Variants in TMEM201 observed in about 807,000 individuals in gnomAD.
TMEM201 encodes the protein transmembrane protein 201.
Under a neutral mutation model 63.4 loss-of-function variants are expected in TMEM201, and 26 were observed. That is an observed-to-expected ratio of 0.41 (90% CI 0.30 to 0.57). The LOEUF (loss-of-function observed/expected upper bound fraction) is 0.57. Ranked by LOEUF, TMEM201 falls within the 20% of genes least tolerant of loss-of-function variation. TMEM201 has a pLI of 0.29. For missense variants in TMEM201, 794 were observed against 917.7 expected (o/e 0.87, Z 1.74); for synonymous variants, 417 against 421.6 (o/e 0.99, Z 0.14).
chr1:9,589,716 C>T (rs1475129163), intron 1 of TMEM201, among the ~76,000 whole-genome samples: 3 of 152,250 alleles, frequency 2.0e-5, no homozygotes, highest in Non-Finnish European at 4.4e-5. Context: ...TTTCATCGGC[C>T]TCCATCGCCA....
At position 9,607,814 on chromosome 1, in the gene TMEM201, G is replaced by C; in HGVS notation, c.1393+25G>C. On this transcript the variant is annotated intron_variant, in intron 7 of 10. Coordinates refer to ENST00000340381, the MANE Select transcript of TMEM201 (RefSeq NM_001130924.3). This position sits in a 1 kb window ranked among gnomAD's most constrained non-coding sequence, Gnocchi z 5.4. ...GGTAAGGGGTGCCCAGGCATTGGCA[G>C]ACAGTCAGGGCTAGGGGCAGCTGGG... 6.5e-7 allele frequency: 1 copy of C among 1,547,320 alleles called. No individual in the cohort carries two copies. Among genetic ancestry groups the C allele is most frequent in the Non-Finnish European group, 8.7e-7 (1 of 1,144,088 alleles).
At chr1:9,602,310 C>CGGAT in intron 6 of TMEM201, 38 bp downstream of exon 6, 1 of 1,604,044 alleles carries the variant, frequency 6.2e-7, no homozygotes. Context: ...GGAGGACACA[C>CGGAT]GGATGCTCAG....
chr1:9,596,777 C>A (rs779612025), intron 2 of TMEM201, 82 bp from the exon 3 acceptor site: 50 of 1,380,226 alleles, frequency 3.6e-5, no homozygotes, highest in Non-Finnish European at 4.6e-5. Context: ...TTGCCTGGAG[C>A]GGGGCGGGCC....
chr1:9,589,840 T>C (rs1433829710), intron 1 of TMEM201, among the ~76,000 whole-genome samples: 1 of 152,200 alleles, frequency 6.6e-6, no homozygotes, highest in Non-Finnish European at 1.5e-5. Context: ...TGTGAGAACA[T>C]CCTAGAAAGA....
rs1340900338 is a variant in TMEM201, at chr1:9,610,377, TGTCCCCA to T, written c.1466-125_1466-119del. 2 of 970,864 alleles carry T rather than the reference TGTCCCCA, an allele frequency of 2.1e-6. No homozygotes were observed. The highest frequency in any genetic ancestry group is 3.0e-6 in the Non-Finnish European group (2 of 675,588). 60.1% of individuals were successfully genotyped at this position (970,864 alleles called of 1,614,324 possible). On this transcript the variant is annotated intron_variant, in intron 8 of 10. Transcript: ENST00000340381. This position sits in a 1 kb window ranked among gnomAD's most constrained non-coding sequence, Gnocchi z 4.9. ...TCAGCTTTGCAGCAGGACTTCCCCC[TGTCCCCA>T]GTCTCTGCACCTTTCCTGTCTTCCC...
chr1:9,603,938 G>A lies in TMEM201; in HGVS notation c.1160+1666G>A, dbSNP rs1008803168. The A allele has an allele frequency of 1.4e-5, 14 of 985,342 alleles. No individual in the cohort carries two copies. The highest frequency in any genetic ancestry group is 6.1e-5 in the Admixed American group (1 of 16,270). 61.0% of individuals were successfully genotyped at this position (985,342 alleles called of 1,614,324 possible). ...TCTGAAAAGATGTGGTCGGGGCCAC[G>A]CTTCCCACTGGTTCTGCAGTGAGGA... is the stretch of plus-strand genomic sequence containing the variant. On this transcript the variant is annotated intron_variant, in intron 6 of 10. Transcript: ENST00000340381. This position sits in a 1 kb window ranked among gnomAD's most constrained non-coding sequence, Gnocchi z 4.5.
In TMEM201 at chr1:9,595,884, C is replaced by A; in HGVS notation, c.114-6C>A. ...CAGGCCAACCCGCTCTTTCCTTGGT[C>A]CACAGGATGAAGCCAACGCACACGA... On this transcript the variant is annotated splice_polypyrimidine_tract_variant and splice_region_variant and intron_variant, in intron 1 of 10. Transcript: ENST00000340381. The A allele has an allele frequency of 6.2e-7, 1 of 1,613,082 alleles. No individual in the cohort carries two copies. The highest frequency in any genetic ancestry group is 8.5e-7 in the Non-Finnish European group (1 of 1,179,956).
intron 9 of TMEM201, among the ~76,000 whole-genome samples, chr1:9,611,260 T>A (rs1644320608): frequency 6.6e-6 from 1 of 151,302 alleles, no homozygotes; most frequent in South Asian, 2.1e-4. Context: ...TGCAGTGGCG[T>A]GATCTTGGCT....
rs1268228946 is a variant in TMEM201, at chr1:9,611,842, GT to G, written c.1856del (p.Val619GlyfsTer30). The part of the protein sequence containing the change: ...DDSSQSSTCV[V>X]DTTTRGCSEE... ...CTCTTCCCAGTCATCTACCTGTGTG[GT>G]GGACACCACCACCAGGGGCTGCTCG... On this transcript the variant is annotated frameshift_variant, in exon 10 of 11. Coordinates refer to ENST00000340381, the MANE Select transcript of TMEM201 (RefSeq NM_001130924.3). LOFTEE classifies it high-confidence loss of function. 22 of 1,550,816 alleles carry G rather than the reference GT, an allele frequency of 1.4e-5. No homozygotes were observed. Among genetic ancestry groups the G allele is most frequent in the Non-Finnish European group, 1.9e-5 (22 of 1,146,978 alleles).
At position 9,601,240 on chromosome 1, in the gene TMEM201, C is replaced by T. The variant is rs1644134761; in HGVS notation, c.742C>T (p.Leu248=). 6.2e-7 allele frequency: 1 copy of T among 1,611,572 alleles called. No individual in the cohort carries two copies. ...CTTCGCCCCAGGCACCACTGTGCCC[C>T]TGGCCCTGCCACCTGGTGGCAATGG... is the stretch of plus-strand genomic sequence containing the variant. ...GHFAPGTTVP[L]ALPPGGNGSA... The change falls in exon 5 of 11, where the codon CTG becomes TTG. Residue 248 remains leucine (L), a synonymous_variant. Transcript: ENST00000340381.
chr1:9,596,912 C>T lies in TMEM201; in HGVS notation c.288C>T (p.His96=), dbSNP rs1472642472. 11 of 1,611,468 alleles carry T rather than the reference C, an allele frequency of 6.8e-6. No individual in the cohort carries two copies. The highest frequency in any genetic ancestry group is 2.7e-5 in the African/African-American group (2 of 74,924). Residue 96 remains histidine, a synonymous_variant, in exon 3 of 11, where the codon CAC becomes CAT. Transcript: ENST00000340381. The stretch of plus-strand genomic sequence containing the variant: ...CCCAGTACTTGGAGCACCTGAACCA[C>T]GTGGTGAGCAGCGCGCCCAGCCTGC... ...IPAQYLEHLN[H]VVSSAPSLRD... is the part of the protein sequence containing the mutation.
chr1:9,589,279 G>A (rs931075269), intron 1 of TMEM201, among the ~76,000 whole-genome samples: 8 of 151,710 alleles, frequency 5.3e-5, no homozygotes, highest in African/African-American at 1.9e-4. Flanking sequence ...CGAGAGCGCC[G>A]CGCGGGGGCC....
chr1:9,589,387 G>A (rs183613283), intron 1 of TMEM201, among the ~76,000 whole-genome samples: 105 of 152,312 alleles, frequency 6.9e-4, no homozygotes, highest in African/African-American at 2.5e-3. Context: ...GGCGATGCTG[G>A]CGATCGCGGC....
At chr1:9,611,578 G>A (rs1159914027) in intron 9 of TMEM201, among the ~76,000 whole-genome samples, 175 bp from the exon 10 acceptor site, 2 of 152,204 alleles carry the variant, frequency 1.3e-5, no homozygotes, top group Non-Finnish European at 2.9e-5. Context: ...GACAAGAGGT[G>A]GCAGGACAGT....
At chr1:9,596,513 G>T (rs4074744) in intron 2 of TMEM201, among the ~76,000 whole-genome samples, 109,474 of 152,062 alleles carry the variant, frequency 0.72, 40,885 homozygotes, top group Non-Finnish European at 0.82. Context: ...TCCTCCACGG[G>T]TCATAGTGTG....
intron 1 of TMEM201, among the ~76,000 whole-genome samples, chr1:9,593,283 C>T (rs1054103277): frequency 1.3e-5 from 2 of 152,210 alleles, no homozygotes; most frequent in African/African-American, 4.8e-5. Context: ...CTGACGCCGC[C>T]GTGCTGGTGC....
chr1:9,600,140 AG>A (rs537707966), intron 4 of TMEM201, among the ~76,000 whole-genome samples: 231 of 152,308 alleles, frequency 1.5e-3, no homozygotes, highest in Non-Finnish European at 9.9e-4. Flanking sequence ...GGTCACATCT[AG>A]AGACACAAAG....
chr1:9,611,622 G>A, intron 9 of TMEM201, 131 bp from the exon 10 acceptor site: 1 of 1,181,592 alleles, frequency 8.5e-7, no homozygotes, highest in Non-Finnish European at 1.2e-6. Flanking sequence ...TGTCCAGGGT[G>A]GATGAGTGGC....
intron 5 of TMEM201, among the ~76,000 whole-genome samples, 181 bp downstream of exon 5, chr1:9,601,635 C>G (rs756863953): frequency 5.9e-5 from 9 of 152,182 alleles, no homozygotes; most frequent in Non-Finnish European, 8.8e-5. Flanking sequence ...CTGCAGACGC[C>G]CTCTGAGCCA....
Sources: gnomAD v4.1 joint callset for allele counts (sites outside exome capture counted in the v4.1 genomes callset) on GRCh38, gnomAD v4.1.1 for gene constraint, Gnocchi (gnomAD v3.1) non-coding constraint, MANE v1.5 for transcripts, NCBI Gene and HGNC (gene_info 2026-07-23, HGNC 2026-07-21) for gene names.